The following CNTN4 variants were observed in gnomAD, a reference collection of about 807,000 sequenced individuals.
CNTN4 encodes the protein contactin 4.
CNTN4 carries 77 observed loss-of-function variants against 122.5 expected under a neutral mutation model. The observed-to-expected ratio is 0.63, with a 90% CI of 0.52 to 0.76. CNTN4 has a LOEUF of 0.76. Among genes scored for constraint, CNTN4 ranks in the 30% least tolerant of loss-of-function variants. CNTN4 has a pLI of 0.00. For missense variants in CNTN4, 1,256 were observed against 1,259.1 expected, an observed-to-expected ratio of 1.00 and a Z score of 0.04; for synonymous variants, 512 against 447.0, an observed-to-expected ratio of 1.15 and a Z score of -1.83.
chr3:2,539,679 T>C (rs1204601288), intron 3 of CNTN4, among the ~76,000 whole-genome samples: 1 of 152,134 alleles, frequency 6.6e-6, no homozygotes, highest in Non-Finnish European at 1.5e-5. Flanking sequence ...TTTCTTTTTA[T>C]CTTTTTCACA....
At chr3:2,370,244 C>T (rs1315898677) in intron 3 of CNTN4, among the ~76,000 whole-genome samples, 1 of 152,078 alleles carries the variant, frequency 6.6e-6, no homozygotes, top group Admixed American at 6.5e-5. Flanking sequence ...TCTTTGAAAG[C>T]ACTTAATACA....
chr3:2,589,051 A>G (rs1424567939), intron 4 of CNTN4, among the ~76,000 whole-genome samples: 1 of 152,190 alleles, frequency 6.6e-6, no homozygotes, highest in Non-Finnish European at 1.5e-5. Context: ...TAGTAAAACT[A>G]TAGCTCATTT....
chr3:2,232,819 A>G (rs1300849962), intron 2 of CNTN4, among the ~76,000 whole-genome samples: 2 of 152,112 alleles, frequency 1.3e-5, no homozygotes, highest in East Asian at 3.8e-4. Flanking sequence ...ATCACTCTCT[A>G]CCTCTACATA....
Position 2,279,005 on chromosome 3 carries a change from A to G in CNTN4, c.-144-60173A>G, listed in dbSNP as rs556024061. ...ACAAGATCATGCCCATCAAGTTAAA[A>G]TTAAGGTTTTGACCTGACAATTGAA... On this transcript the variant is annotated intron_variant, in intron 2 of 24. Coordinates refer to ENST00000418658, the MANE Select transcript of CNTN4 (RefSeq NM_175607.3). 2.9e-4 allele frequency among the ~76,000 whole-genome samples: 44 copies of G among 152,116 alleles called. 2 individuals carry two copies. The highest frequency in any genetic ancestry group is 1.1e-3 in the African/African-American group (44 of 41,358).
intron 2 of CNTN4, among the ~76,000 whole-genome samples, chr3:2,170,420 C>A (rs907483405): frequency 3.3e-5 from 5 of 152,074 alleles, no homozygotes; most frequent in Non-Finnish European, 5.9e-5. Flanking sequence ...CTTAGGAAAT[C>A]ATCAAGACCT....
intron 2 of CNTN4, among the ~76,000 whole-genome samples, chr3:2,212,555 A>T (rs1019935555): frequency 6.6e-6 from 1 of 152,288 alleles, no homozygotes; most frequent in Admixed American, 6.5e-5. Flanking sequence ...CCACAAAAAC[A>T]GTATGAAGGA....
intron 4 of CNTN4, among the ~76,000 whole-genome samples, chr3:2,625,775 G>A (rs1222968358): frequency 6.6e-6 from 1 of 151,882 alleles, no homozygotes; most frequent in Non-Finnish European, 1.5e-5. Flanking sequence ...ATTAATTTCT[G>A]CTATGAATAT....
At chr3:2,106,011 C>A (rs1001084761) in intron 2 of CNTN4, among the ~76,000 whole-genome samples, 2 of 152,186 alleles carry the variant, frequency 1.3e-5, no homozygotes, top group Non-Finnish European at 2.9e-5. Context: ...TGAAACCAGG[C>A]GGGGCAGTTA....
At chr3:2,458,340 A>G (rs2049076501) in intron 3 of CNTN4, among the ~76,000 whole-genome samples, 1 of 152,068 alleles carries the variant, frequency 6.6e-6, no homozygotes, top group South Asian at 2.1e-4. Context: ...GTTTTATCTA[A>G]CCCTGACATA....
intron 6 of CNTN4, among the ~76,000 whole-genome samples, chr3:2,791,377 C>CA (rs1408130778): frequency 6.6e-6 from 1 of 151,724 alleles, no homozygotes; most frequent in African/African-American, 2.4e-5. Flanking sequence ...ACAAAAAATA[C>CA]AAAAAATTAG....
chr3:2,430,035 G>A (rs547756764), intron 3 of CNTN4, among the ~76,000 whole-genome samples: 9 of 152,188 alleles, frequency 5.9e-5, no homozygotes, highest in Admixed American at 2.0e-4. Context: ...GTGATGCCTC[G>A]CTCTGCTTCA....
At chr3:2,876,729 C>T (rs2093848957) in intron 8 of CNTN4, among the ~76,000 whole-genome samples, 2 of 152,196 alleles carry the variant, frequency 1.3e-5, no homozygotes, top group African/African-American at 4.8e-5. Context: ...ACATCAGCAT[C>T]AACTTTAATA....
At chr3:2,517,355 C>T (rs1431656436) in intron 3 of CNTN4, among the ~76,000 whole-genome samples, 1 of 152,052 alleles carries the variant, frequency 6.6e-6, no homozygotes, top group Non-Finnish European at 1.5e-5. Context: ...TTACAGGCTG[C>T]CAGTAAATTA....
chr3:2,287,632 G>GA (rs2041954544), intron 2 of CNTN4, among the ~76,000 whole-genome samples: 13 of 49,506 alleles, frequency 2.6e-4, no homozygotes, highest in Middle Eastern at 8.5e-3. Context: ...GAAGGAGAAG[G>GA]AGAAGAAGAA....
intron 2 of CNTN4, among the ~76,000 whole-genome samples, chr3:2,276,517 G>T: frequency 6.6e-6 from 1 of 151,956 alleles, no homozygotes; most frequent in East Asian, 1.9e-4. Context: ...GTCATGCTGG[G>T]TCAATTAAGT....
At chr3:2,238,993 G>A (rs2039816007) in intron 2 of CNTN4, 1 of 149,842 alleles carries the variant, frequency 6.7e-6, no homozygotes, top group African/African-American at 2.5e-5. Flanking sequence ...CCAAAGTGCT[G>A]GGATGACAGG....
rs146011984 is a variant in CNTN4 at position 2,251,449 on chromosome 3, A to T, written c.-144-87729A>T. Among the ~76,000 whole-genome samples the T allele has an allele frequency of 2.8e-4, 42 of 152,062 alleles. No individual in the cohort carries two copies. The East Asian group carries it at 4.6e-3, about 17-fold the overall frequency. On this transcript the variant is annotated intron_variant, in intron 2 of 24. Coordinates refer to ENST00000418658, the MANE Select transcript of CNTN4 (RefSeq NM_175607.3). ...GCATTTGAGGTCAGAGTCTGGAAAC[A>T]GGGCTTTCAGGGATGCATCACTAAT...
chr3:2,582,070 C>T (rs1479541), intron 4 of CNTN4, among the ~76,000 whole-genome samples: 151,406 of 152,354 alleles, frequency 0.99, 75,238 homozygotes, highest in Middle Eastern at 1. Context: ...CATTAGAAAG[C>T]GGTGATGGTC....
At chr3:2,916,267 T>C (rs373746194) in intron 12 of CNTN4, among the ~76,000 whole-genome samples, 22 of 151,560 alleles carry the variant, frequency 1.5e-4, no homozygotes, top group South Asian at 8.5e-4. Context: ...TTTGGCAGGG[T>C]CATAGGACAA....
Sources: gnomAD v4.1 joint callset for allele counts (sites outside exome capture counted in the v4.1 genomes callset) on GRCh38, gnomAD v4.1.1 for gene constraint, MANE v1.5 for transcripts, NCBI Gene and HGNC (gene_info 2026-07-23, HGNC 2026-07-21) for gene names.